ADAM10: variants seen among roughly 807,000 people sequenced by gnomAD.
ADAM10 encodes disintegrin and metalloproteinase domain-containing protein 10.
ADAM10 carries 17 observed loss-of-function variants against 90.1 expected under a neutral mutation model. That is an observed-to-expected ratio of 0.19 (90% CI 0.13 to 0.28). The LOEUF (loss-of-function observed/expected upper bound fraction) is 0.28. ADAM10 is among the 10% of genes least tolerant of loss of function. The probability of loss-of-function intolerance (pLI) is 1.00; values close to 1 mark genes in which losing one functional copy is unlikely to be tolerated. For missense variants in ADAM10, 610 were observed against 914.3 expected (o/e 0.67, Z 4.29); for synonymous variants, 310 against 298.6 (o/e 1.04, Z -0.40).
intron 11 of ADAM10, among the ~76,000 whole-genome samples, chr15:58,620,559 AG>A (rs1895750165): frequency 6.6e-6 from 1 of 152,208 alleles, no homozygotes; most frequent in Non-Finnish European, 1.5e-5. Context: ...TTGCCAAGTT[AG>A]AAAAGTAAAT....
chr15:58,663,400 C>T (rs1897014067), intron 5 of ADAM10, among the ~76,000 whole-genome samples: 1 of 152,136 alleles, frequency 6.6e-6, no homozygotes. Context: ...TTTCTAAGCA[C>T]TCATTTTTAT....
chr15:58,675,900 G>C (rs574983672), intron 4 of ADAM10, among the ~76,000 whole-genome samples: 1 of 152,034 alleles, frequency 6.6e-6, no homozygotes, highest in Admixed American at 6.5e-5. Flanking sequence ...CTTCTTTTTG[G>C]TAAGGATAAC....
chr15:58,672,493 G>A (rs1222432675), intron 4 of ADAM10: 5 of 152,236 alleles, frequency 3.3e-5, no homozygotes, highest in African/African-American at 9.7e-5. Flanking sequence ...GGCAAAGGGG[G>A]ACAAGGATGG....
intron 2 of ADAM10, among the ~76,000 whole-genome samples, chr15:58,715,101 G>C (rs1435901510): frequency 6.6e-6 from 1 of 152,132 alleles, no homozygotes. Flanking sequence ...AGTTTGTATA[G>C]TTAATTAAGC....
At chr15:58,679,352 G>GT (rs1460866873) in intron 3 of ADAM10, 70 bp from the exon 4 acceptor site, 2 of 1,280,952 alleles carry the variant, frequency 1.6e-6, no homozygotes, top group Non-Finnish European at 2.3e-6. Flanking sequence ...TCATATATAT[G>GT]TATATATGTG....
At chr15:58,652,400 T>C (rs546282562) in intron 5 of ADAM10, among the ~76,000 whole-genome samples, 3 of 152,132 alleles carry the variant, frequency 2.0e-5, no homozygotes, top group Non-Finnish European at 4.4e-5. Context: ...CTTAATTCAT[T>C]TTGATTTGAT....
At chr15:58,620,387 A>T (rs12592302) in intron 11 of ADAM10, among the ~76,000 whole-genome samples, 19,051 of 151,834 alleles carry the variant, frequency 0.13, 1,472 homozygotes, top group East Asian at 0.42. Flanking sequence ...TAATTGCTTG[A>T]ACCTGGGAGG....
intron 5 of ADAM10, among the ~76,000 whole-genome samples, chr15:58,664,425 C>T (rs1596043955): frequency 2.6e-5 from 4 of 152,212 alleles, no homozygotes; most frequent in Admixed American, 6.5e-5. Context: ...TAAAATCTCA[C>T]TTAACACTAG....
intron 11 of ADAM10, among the ~76,000 whole-genome samples, chr15:58,620,431 C>A (rs1426585528): frequency 1.3e-5 from 2 of 151,580 alleles, no homozygotes; most frequent in African/African-American, 4.9e-5. Context: ...CATGCCACTG[C>A]ACTCCAGCCT....
At chr15:58,608,825 ATAACAGAGAAAAG>A (rs1375258924) in intron 14 of ADAM10, among the ~76,000 whole-genome samples, 1 of 152,188 alleles carries the variant, frequency 6.6e-6, no homozygotes, top group Non-Finnish European at 1.5e-5. Context: ...AAAATTAGAG[ATAACAGAGAAAAG>A]TAAAAAAATG....
intron 2 of ADAM10, among the ~76,000 whole-genome samples, chr15:58,704,839 A>G (rs1346278340): frequency 2.6e-5 from 4 of 152,222 alleles, no homozygotes; most frequent in African/African-American, 9.6e-5. Flanking sequence ...CAAGGTCGTA[A>G]GACTAAAATT....
intron 7 of ADAM10, among the ~76,000 whole-genome samples, chr15:58,641,847 G>C (rs1017406707): frequency 6.6e-6 from 1 of 152,158 alleles, no homozygotes; most frequent in South Asian, 2.1e-4. Context: ...TTGGCAGTAA[G>C]AGGATGACAT....
At chr15:58,675,138 C>T (rs1163306543) in intron 4 of ADAM10, among the ~76,000 whole-genome samples, 1 of 152,342 alleles carries the variant, frequency 6.6e-6, no homozygotes, top group South Asian at 2.1e-4. Flanking sequence ...GCGGAGGTTG[C>T]AGTGAGCTGA....
chr15:58,626,728 C>A (rs1226470095), intron 10 of ADAM10, among the ~76,000 whole-genome samples: 1 of 152,068 alleles, frequency 6.6e-6, no homozygotes, highest in Admixed American at 6.5e-5. Context: ...TATTGTATGT[C>A]CCCACTTACA....
intron 9 of ADAM10, among the ~76,000 whole-genome samples, chr15:58,628,991 T>G (rs1001505227): frequency 3.9e-5 from 6 of 152,242 alleles, no homozygotes; most frequent in African/African-American, 1.2e-4. Context: ...CTCTATACTA[T>G]TCACCAATAT....
intron 1 of ADAM10, among the ~76,000 whole-genome samples, chr15:58,727,202 T>TTC (rs1899064461): frequency 7.7e-6 from 1 of 130,316 alleles, no homozygotes; most frequent in Non-Finnish European, 1.6e-5. Context: ...TTTTTTTTTT[T>TTC]TTTCCCAAAA....
chr15:58,612,130 T>G (rs1234262877), intron 11 of ADAM10, 139 bp from the exon 12 acceptor site: 3 of 888,518 alleles, frequency 3.4e-6, no homozygotes, highest in Non-Finnish European at 5.3e-6. Flanking sequence ...ATGATAAGTA[T>G]GTTACTGGTA....
At chr15:58,746,913 T>C (rs949892275) in intron 1 of ADAM10, among the ~76,000 whole-genome samples, 9 of 152,242 alleles carry the variant, frequency 5.9e-5, no homozygotes, top group Admixed American at 4.6e-4. Context: ...AGATTCCGAC[T>C]CAGAGTCAGA....
intron 7 of ADAM10, among the ~76,000 whole-genome samples, chr15:58,641,573 C>G (rs1171242020): frequency 6.6e-6 from 1 of 152,166 alleles, no homozygotes; most frequent in Non-Finnish European, 1.5e-5. Context: ...CTCTTTGAAG[C>G]TGAGTTCTTC....
Sources: gnomAD v4.1 joint callset for allele counts (sites outside exome capture counted in the v4.1 genomes callset) on GRCh38, gnomAD v4.1.1 for gene constraint, MANE v1.5 for transcripts, NCBI Gene and HGNC (gene_info 2026-07-23, HGNC 2026-07-21) for gene names.